The following TCF12 variants were observed in gnomAD, a reference collection of about 807,000 sequenced individuals.
TCF12 encodes transcription factor 12, also known as DNA-binding protein HTF4.
TCF12 carries 45 observed loss-of-function variants against 86.0 expected under a neutral mutation model. That is an observed-to-expected ratio of 0.52 (90% CI 0.41 to 0.67). The LOEUF (loss-of-function observed/expected upper bound fraction) is 0.67. Among genes scored for constraint, TCF12 ranks in the 30% least tolerant of loss-of-function variants. The pLI is 0.00. For missense variants in TCF12, 881 were observed against 859.9 expected, an observed-to-expected ratio of 1.02 and a Z score of -0.31; for synonymous variants, 330 against 299.6, an observed-to-expected ratio of 1.10 and a Z score of -1.05.
At chr15:57,078,796 C>T (rs556404902) in intron 4 of TCF12, among the ~76,000 whole-genome samples, 1 of 152,270 alleles carries the variant, frequency 6.6e-6, no homozygotes, top group Non-Finnish European at 1.5e-5. Context: ...GTATGCATTA[C>T]AAATATTAGA....
At chr15:57,146,808 G>A (rs559744747) in intron 5 of TCF12, among the ~76,000 whole-genome samples, 18 of 152,206 alleles carry the variant, frequency 1.2e-4, no homozygotes, top group African/African-American at 3.9e-4. Context: ...TGTATTTGGC[G>A]TGAAATTGGG....
intron 15 of TCF12, among the ~76,000 whole-genome samples, 165 bp from the exon 16 acceptor site, chr15:57,253,097 G>C (rs2060193358): frequency 6.6e-6 from 1 of 151,968 alleles, no homozygotes; most frequent in African/African-American, 2.4e-5. Flanking sequence ...CATACATACA[G>C]CCTTTTTTTG....
chr15:56,957,891 GT>G (rs35239893), intron 3 of TCF12, among the ~76,000 whole-genome samples: 31,566 of 152,008 alleles, frequency 0.21, 3,382 homozygotes, highest in Middle Eastern at 0.23. Flanking sequence ...GATTTGTTAG[GT>G]AAGTCTGGAG....
At position 57,123,832 on chromosome 15, in the gene TCF12, C is replaced by T. The variant is rs780712848; in HGVS notation, c.325+31941C>T. On this transcript the variant is annotated intron_variant, in intron 5 of 20. Coordinates refer to ENST00000333725, the MANE Select transcript of TCF12 (RefSeq NM_207037.2). ...AAAAATAGCCGGGCCTGGTGGCAGG[C>T]GCCTGTAGTCCAAGCTACGCAGGAG... is the stretch of plus-strand genomic sequence containing the variant. Among the ~76,000 whole-genome samples, 49 of 151,836 alleles carry T rather than the reference C, an allele frequency of 3.2e-4. No homozygotes were observed. The Middle Eastern group carries it at 0.014, about 42-fold the overall frequency.
chr15:56,963,901 C>G (rs1276393224), intron 3 of TCF12, among the ~76,000 whole-genome samples: 1 of 152,110 alleles, frequency 6.6e-6, no homozygotes, highest in East Asian at 1.9e-4. Context: ...GCTATGGCAA[C>G]AAAGGTTCTT....
intron 5 of TCF12, among the ~76,000 whole-genome samples, chr15:57,109,712 G>C (rs1162628303): frequency 6.6e-6 from 1 of 152,136 alleles, no homozygotes; most frequent in Non-Finnish European, 1.5e-5. Flanking sequence ...ACTTGTCAAA[G>C]ATAGCTTAAT....
intron 5 of TCF12, among the ~76,000 whole-genome samples, chr15:57,115,770 G>C (rs761368813): frequency 6.6e-6 from 1 of 152,088 alleles, no homozygotes; most frequent in Non-Finnish European, 1.5e-5. Context: ...GGCGTGTGGT[G>C]TACCATGGAT....
intron 6 of TCF12, among the ~76,000 whole-genome samples, chr15:57,183,318 T>C (rs1346494907): frequency 6.6e-6 from 1 of 152,214 alleles, no homozygotes; most frequent in Non-Finnish European, 1.5e-5. Flanking sequence ...CTTATGACTT[T>C]ATATACACAA....
In TCF12 at chr15:57,091,853, G is replaced by C; in HGVS notation, c.287G>C (p.Gly96Ala). The C allele has an allele frequency of 1.9e-6, 3 of 1,613,812 alleles. No homozygotes were observed. Among genetic ancestry groups the C allele is most frequent in the Non-Finnish European group, 2.5e-6 (3 of 1,179,810 alleles). ...GACAGTCGATTAGGAGCCCATGAAGGCTTGTCCCCAACACCTTTCATGAAC... is the reference window on the plus strand; with the variant it reads ...GACAGTCGATTAGGAGCCCATGAAGCCTTGTCCCCAACACCTTTCATGAAC... ...LNDSRLGAHE[G>A]LSPTPFMNSN... Residue 96 changes from glycine to alanine, a missense_variant, in exon 5 of 21, where the codon GGC becomes GCC. Transcript: ENST00000333725.
intron 3 of TCF12, among the ~76,000 whole-genome samples, chr15:56,973,880 T>A (rs1304266394): frequency 6.6e-6 from 1 of 152,110 alleles, no homozygotes; most frequent in Non-Finnish European, 1.5e-5. Context: ...TTTTGTGTTA[T>A]TCCTGCCAAA....
At chr15:57,071,415 C>G (rs1176872493) in intron 4 of TCF12, among the ~76,000 whole-genome samples, 2 of 151,924 alleles carry the variant, frequency 1.3e-5, no homozygotes, top group African/African-American at 4.8e-5. Context: ...GAAGCTGAGG[C>G]AAGTGGATCG....
At chr15:57,009,182 T>C (rs1372237128) in intron 3 of TCF12, among the ~76,000 whole-genome samples, 2 of 152,142 alleles carry the variant, frequency 1.3e-5, no homozygotes, top group Non-Finnish European at 2.9e-5. Flanking sequence ...GATCCTGGCT[T>C]ACTGCACCCT....
intron 3 of TCF12, among the ~76,000 whole-genome samples, chr15:57,001,175 C>G (rs1324634578): frequency 6.6e-6 from 1 of 151,856 alleles, no homozygotes. Context: ...TGCCACCATG[C>G]CTGGCTAATT....
intron 20 of TCF12, among the ~76,000 whole-genome samples, chr15:57,283,276 T>C (rs1352474013): frequency 2.0e-5 from 3 of 151,164 alleles, no homozygotes; most frequent in African/African-American, 7.4e-5. Flanking sequence ...TTTTTTTTCC[T>C]CAAGACAGAG....
intron 3 of TCF12, among the ~76,000 whole-genome samples, chr15:57,036,224 G>A (rs948616678): frequency 2.0e-5 from 3 of 152,014 alleles, no homozygotes; most frequent in Admixed American, 6.5e-5. Context: ...CAGTGAAGAC[G>A]GTAATGAAGG....
chr15:57,150,935 C>T (rs980148116), intron 5 of TCF12, among the ~76,000 whole-genome samples: 2 of 132,368 alleles, frequency 1.5e-5, no homozygotes, highest in African/African-American at 2.9e-5. Flanking sequence ...TCCTTCCTTC[C>T]TTCTTCCCTT....
At chr15:57,234,623 A>G (rs2059306900) in intron 12 of TCF12, among the ~76,000 whole-genome samples, 1 of 152,248 alleles carries the variant, frequency 6.6e-6, no homozygotes, top group Non-Finnish European at 1.5e-5. Flanking sequence ...AAGGAATCCG[A>G]TAGTATTTTC....
At chr15:56,940,487 C>CCTCCTCCTCCTTCTTCTT (rs1555452230) in intron 3 of TCF12, among the ~76,000 whole-genome samples, 40 of 101,464 alleles carry the variant, frequency 3.9e-4, no homozygotes, top group African/African-American at 1.5e-3. Context: ...TTCTCCTCCT[C>CCTCCTCCTCCTTCTTCTT]CTCCTCCTCC....
chr15:57,112,465 G>A (rs748802719), intron 5 of TCF12, among the ~76,000 whole-genome samples: 2 of 152,160 alleles, frequency 1.3e-5, no homozygotes, highest in Non-Finnish European at 2.9e-5. Flanking sequence ...TGGCCCAGCT[G>A]CAACTTGATC....
Sources: gnomAD v4.1 joint callset for allele counts (sites outside exome capture counted in the v4.1 genomes callset) on GRCh38, gnomAD v4.1.1 for gene constraint, MANE v1.5 for transcripts, NCBI Gene and HGNC (gene_info 2026-07-23, HGNC 2026-07-21) for gene names.